The following KDM4B variants were observed in gnomAD, a reference collection of about 807,000 sequenced individuals.
The protein encoded by KDM4B is lysine demethylase 4B, also known as lysine-specific demethylase 4B.
In KDM4B, 32 loss-of-function variants were observed where a neutral mutation model predicts 125.2. The observed-to-expected ratio is 0.26, with a 90% CI of 0.19 to 0.34. KDM4B has a LOEUF of 0.34. Among genes scored for constraint, KDM4B ranks in the 10% least tolerant of loss-of-function variants. The pLI is 1.00. For synonymous variants in KDM4B, 721 were observed against 677.9 expected (o/e 1.06, Z -0.99); for missense variants, 1,190 against 1,577.7 (o/e 0.75, Z 4.16).
chr19:5,095,165 C>T (rs574672791), intron 9 of KDM4B, among the ~76,000 whole-genome samples: 3 of 152,186 alleles, frequency 2.0e-5, no homozygotes, highest in African/African-American at 2.4e-5. Context: ...CTGTCACCGT[C>T]GGCTGTAGAA....
intron 1 of KDM4B, among the ~76,000 whole-genome samples, chr19:4,987,134 T>C (rs1406611756): frequency 6.6e-6 from 1 of 152,042 alleles, no homozygotes; most frequent in African/African-American, 2.4e-5. Flanking sequence ...AATTTTTATA[T>C]TTTTAGTAGA....
chr19:4,980,878 G>GC (rs1328397790), intron 1 of KDM4B, among the ~76,000 whole-genome samples: 1 of 151,468 alleles, frequency 6.6e-6, no homozygotes, highest in Non-Finnish European at 1.5e-5. Context: ...GGATTCCTGT[G>GC]CTGCACCATG....
At chr19:5,001,549 C>G (rs2035385725) in intron 1 of KDM4B, among the ~76,000 whole-genome samples, 1 of 152,184 alleles carries the variant, frequency 6.6e-6, no homozygotes, top group Non-Finnish European at 1.5e-5. Context: ...CGTGAGTAAC[C>G]TGGTGTATAT....
chr19:5,124,923 C>T (rs759630676), intron 11 of KDM4B, among the ~76,000 whole-genome samples: 23 of 149,522 alleles, frequency 1.5e-4, no homozygotes, highest in South Asian at 4.2e-4. Context: ...TTTTTGAAAC[C>T]GAGTCTTGCT....
intron 9 of KDM4B, among the ~76,000 whole-genome samples, chr19:5,100,206 C>T (rs756638233): frequency 2.6e-5 from 4 of 152,208 alleles, no homozygotes; most frequent in Non-Finnish European, 4.4e-5. Flanking sequence ...TTGTCACTTG[C>T]CCCTCCTTGG....
At position 5,138,070 on chromosome 19, in the gene KDM4B, G is replaced by A; in HGVS notation, c.2550G>A (p.Leu850=). The change falls in exon 18 of 23, where the codon CTG becomes CTA. Residue 850 remains leucine (L), a splice_region_variant and synonymous_variant. Coordinates refer to ENST00000159111, the MANE Select transcript of KDM4B (RefSeq NM_015015.3). The stretch of plus-strand genomic sequence containing the variant: ...CCATCCCCGAGCAGCGGTGGAAGCT[G>A]GTAGGTCCTTGCGGTCGAGGCCCAC... The part of the protein sequence containing the change: ...ISAIPEQRWK[L]KCVYCRKRMK... 6.2e-7 allele frequency: 1 copy of A among 1,611,014 alleles called. No individual in the cohort carries two copies. The highest frequency in any genetic ancestry group is 1.7e-5 in the Admixed American group (1 of 59,902).
chr19:5,052,052 G>A (rs778952927), intron 6 of KDM4B, among the ~76,000 whole-genome samples: 3 of 152,108 alleles, frequency 2.0e-5, no homozygotes, highest in Non-Finnish European at 4.4e-5. Context: ...TGAGTGCTGC[G>A]GGGAGGGCTG....
chr19:5,132,582 C>T lies in KDM4B; in HGVS notation c.1906+575C>T, dbSNP rs77511451. Among the ~76,000 whole-genome samples, 946 of 152,104 alleles carry T rather than the reference C, an allele frequency of 6.2e-3. 16 individuals carry two copies. Among genetic ancestry groups the T allele is most frequent in the African/African-American group, 0.021 (874 of 41,496 alleles). ...TCTAGAAGCGCGTGGGATCACAGGG[C>T]GGGAGCTCCCAGGAGTGGAGGAATC... On this transcript the variant is annotated intron_variant, in intron 13 of 22. Transcript: ENST00000159111.
intron 1 of KDM4B, among the ~76,000 whole-genome samples, chr19:4,988,774 T>G (rs59581539): frequency 0.012 from 1,792 of 152,282 alleles, 53 homozygotes; most frequent in African/African-American, 0.04. Context: ...CCTCCACGCA[T>G]TCATCTGTGG....
chr19:5,053,916 G>C (rs1410094961), intron 6 of KDM4B, among the ~76,000 whole-genome samples: 1 of 152,246 alleles, frequency 6.6e-6, no homozygotes, highest in Non-Finnish European at 1.5e-5. Context: ...GGCACACCTG[G>C]TGCCCAGCTT....
intron 2 of KDM4B, among the ~76,000 whole-genome samples, chr19:5,018,710 A>T (rs896775535): frequency 1.3e-5 from 2 of 152,172 alleles, no homozygotes; most frequent in Admixed American, 6.5e-5. Flanking sequence ...CCCCCTCAGC[A>T]GTTGCTCTTC....
chr19:5,047,255 G>A, intron 5 of KDM4B: 1 of 524,708 alleles, frequency 1.9e-6, no homozygotes, highest in Non-Finnish European at 3.4e-6. Context: ...AGTGAGCTAT[G>A]ATTCTGCCAC....
In KDM4B at chr19:5,111,835, G is replaced by T; in HGVS notation, c.1115+1017G>T. The T allele has an allele frequency of 2.6e-6, 2 of 764,964 alleles. 1 individual carries two copies. Among genetic ancestry groups the T allele is most frequent in the South Asian group, 2.7e-5 (2 of 74,620 alleles). The allele number at this position is 764,964 out of a possible 1,614,324, so 47.4% of individuals were successfully genotyped here. A position where few individuals can be genotyped will look rare whatever the true frequency, so the allele number is the denominator to read the frequency against. On this transcript the variant is annotated intron_variant, in intron 10 of 22. Transcript: ENST00000159111. ...ATGGCAACTCAAGACCCTTGCAGATGATAGACAGCGAAGAAATGCGCGTGG... is the reference window on the plus strand; with the variant it reads ...ATGGCAACTCAAGACCCTTGCAGATTATAGACAGCGAAGAAATGCGCGTGG...
intron 10 of KDM4B, chr19:5,119,213 G>T (rs1459158480): frequency 6.5e-7 from 1 of 1,531,988 alleles, no homozygotes. Flanking sequence ...AAAAGGCCGG[G>T]GCTGTCGTAA....
chr19:4,971,702 T>C lies in KDM4B; in HGVS notation c.-109+2472T>C, dbSNP rs2034264282. On this transcript the variant is annotated intron_variant, in intron 1 of 22. Coordinates refer to ENST00000159111, the MANE Select transcript of KDM4B (RefSeq NM_015015.3). The surrounding 1 kb of genome is among the most constrained non-coding windows in gnomAD (Gnocchi z 4.1). ...CAGGGCCTGGTCACAGCTGGAATGG[T>C]GGTGTGCAGTCCGCTGCCCTCGGGC... 6.6e-6 allele frequency among the ~76,000 whole-genome samples: 1 copy of C among 151,882 alleles called. No homozygotes were observed. Among genetic ancestry groups the C allele is most frequent in the South Asian group, 2.1e-4 (1 of 4,812 alleles).
intron 9 of KDM4B, among the ~76,000 whole-genome samples, chr19:5,100,167 T>G (rs367897614): frequency 6.6e-6 from 1 of 152,216 alleles, no homozygotes; most frequent in Non-Finnish European, 1.5e-5. Flanking sequence ...TGAAGTCCCC[T>G]CATTGGGTAC....
chr19:5,094,107 C>G (rs952461791), intron 9 of KDM4B, among the ~76,000 whole-genome samples: 1 of 152,190 alleles, frequency 6.6e-6, no homozygotes. Flanking sequence ...AGGGGTGTCG[C>G]CCTCTCCTCT....
intron 9 of KDM4B, among the ~76,000 whole-genome samples, chr19:5,102,884 A>C (rs1169242178): frequency 6.6e-6 from 1 of 152,232 alleles, no homozygotes. Context: ...CTAAGTAATA[A>C]GATCTCCAGG....
chr19:5,152,265 C>G lies in KDM4B; in HGVS notation c.*754C>G, dbSNP rs2039961668. 1 of 152,294 alleles carries G rather than the reference C, an allele frequency of 6.6e-6. No homozygotes were observed. Among genetic ancestry groups the G allele is most frequent in the South Asian group, 2.1e-4 (1 of 4,836 alleles). 9.4% of individuals were successfully genotyped at this position (152,294 alleles called of 1,614,324 possible). Reference sequence around the variant, plus strand: ...AGGCCCAGGCTCTCTGGTGGCCGCCCCTGTGCACCTGGCCAGGGGAAGCCC... The same window carrying G: ...AGGCCCAGGCTCTCTGGTGGCCGCCGCTGTGCACCTGGCCAGGGGAAGCCC... On this transcript the variant is annotated 3_prime_UTR_variant, in exon 23 of 23. Coordinates refer to ENST00000159111, the MANE Select transcript of KDM4B (RefSeq NM_015015.3).
Sources: allele counts gnomAD v4.1 joint callset (sites outside exome capture counted in the v4.1 genomes callset), GRCh38; gene constraint gnomAD v4.1.1; non-coding constraint Gnocchi (gnomAD v3.1); transcripts MANE v1.5; gene names NCBI Gene and HGNC (gene_info 2026-07-23, HGNC 2026-07-21).